Variants in SHE observed in about 807,000 individuals in gnomAD.
The protein encoded by SHE is Src homology 2 domain containing E.
SHE carries 11 observed loss-of-function variants against 49.8 expected under a neutral mutation model. The observed-to-expected ratio is 0.22, with a 90% CI of 0.14 to 0.37. The LOEUF (loss-of-function observed/expected upper bound fraction) is 0.37. Among genes scored for constraint, SHE ranks in the 10% least tolerant of loss-of-function variants. The probability of loss-of-function intolerance (pLI) is 1.00; values close to 1 mark genes in which losing one functional copy is unlikely to be tolerated. For missense variants in SHE, 624 were observed against 655.5 expected, an observed-to-expected ratio of 0.95 and a Z score of 0.52; for synonymous variants, 310 against 278.1, an observed-to-expected ratio of 1.11 and a Z score of -1.14.
At chr1:154,495,508 T>C (rs1436821751) in intron 2 of SHE, among the ~76,000 whole-genome samples, 1 of 152,122 alleles carries the variant, frequency 6.6e-6, no homozygotes, top group African/African-American at 2.4e-5. Context: ...CTGGGTCCCA[T>C]AGCGATTTGG....
chr1:154,486,208 C>CAGACAA, intron 4 of SHE, 146 bp from the exon 5 acceptor site: 1 of 1,160,802 alleles, frequency 8.6e-7, no homozygotes, highest in Non-Finnish European at 1.2e-6. Context: ...ACATTCAGAA[C>CAGACAA]AGACAAAATG....
Position 154,480,060 on chromosome 1 carries a change from T to A in SHE, c.*4089A>T. 1 of 985,268 alleles carries A rather than the reference T, an allele frequency of 1.0e-6. No individual in the cohort carries two copies. The highest frequency in any genetic ancestry group is 1.2e-6 in the Non-Finnish European group (1 of 829,914). The allele number at this position is 985,268 out of a possible 1,614,324, so 61.0% of individuals were successfully genotyped here. ...TTCACACAGGGTCAGCGGTGGAGGG[T>A]AAGTTGAACAGAAGGCCCACTGCAC... On this transcript the variant is annotated 3_prime_UTR_variant, in exon 6 of 6. Transcript: ENST00000304760.
chr1:154,474,431 T>G (rs548249151), intron 1 of SHE, among the ~76,000 whole-genome samples: 41 of 152,224 alleles, frequency 2.7e-4, no homozygotes, highest in Non-Finnish European at 5.7e-4. Context: ...ACTGCATGAA[T>G]GGTTTGGTTT....
intron 5 of SHE, chr1:154,485,296 CT>C (rs1342606813): frequency 6.6e-6 from 1 of 152,452 alleles, no homozygotes; most frequent in Non-Finnish European, 1.5e-5. Context: ...CTCCTCCAGC[CT>C]GATTGTTTCA....
intron 2 of SHE, among the ~76,000 whole-genome samples, chr1:154,495,055 A>C (rs144494606): frequency 6.6e-5 from 10 of 152,370 alleles, no homozygotes; most frequent in East Asian, 3.9e-4. Context: ...CCGTCTCAAA[A>C]AAACAAACAA....
rs932903352 is a variant in SHE at position 154,481,382 on chromosome 1, G to A, written c.*2767C>T. 4.1e-6 allele frequency: 4 copies of A among 985,258 alleles called. No homozygotes were observed. Among genetic ancestry groups the A allele is most frequent in the Admixed American group, 1.2e-4 (2 of 16,262 alleles). 61.0% of individuals were successfully genotyped at this position (985,258 alleles called of 1,614,324 possible). A position where few individuals can be genotyped will look rare whatever the true frequency, so the allele number is the denominator to read the frequency against. ...AGCAACTGGACAATATGTAAACTCTGCCTCTCCTCTACTTTTAATTCTATA... is the reference window on the plus strand; with the variant it reads ...AGCAACTGGACAATATGTAAACTCTACCTCTCCTCTACTTTTAATTCTATA... On this transcript the variant is annotated 3_prime_UTR_variant, in exon 6 of 6. Transcript: ENST00000304760.
downstream of SHE, among the ~76,000 whole-genome samples, chr1:154,478,482 C>T (rs1691939891): frequency 6.7e-6 from 1 of 149,418 alleles, no homozygotes; most frequent in African/African-American, 2.5e-5. Context: ...GCAATCTGGG[C>T]TCTACCACTT....
At chr1:154,472,242 CTG>C (rs1691764896) in intron 1 of SHE, among the ~76,000 whole-genome samples, 1 of 152,164 alleles carries the variant, frequency 6.6e-6, no homozygotes, top group South Asian at 2.1e-4. Context: ...ATGGTAGAGT[CTG>C]TTACCAGAGA....
chr1:154,478,419 T>C (rs939959228), downstream of SHE, among the ~76,000 whole-genome samples: 2 of 43,274 alleles, frequency 4.6e-5, no homozygotes, highest in African/African-American at 1.5e-4. Context: ...AATGAAATCA[T>C]AAAAAGTGCA....
At chr1:154,486,499 G>T (rs200447499) in intron 4 of SHE, 28 bp downstream of exon 4, 7 of 1,611,902 alleles carry the variant, frequency 4.3e-6, no homozygotes, top group African/African-American at 2.7e-5. Flanking sequence ...GCTGTTGTCT[G>T]TTACAAGGAT....
chr1:154,471,175 T>A (rs1285760681), intron 1 of SHE, among the ~76,000 whole-genome samples: 1 of 152,010 alleles, frequency 6.6e-6, no homozygotes, highest in Non-Finnish European at 1.5e-5. Context: ...CACTACCCAA[T>A]CTCTAATGTC....
chr1:154,482,474 T>TC lies in SHE; in HGVS notation c.*1674_*1675insG. On this transcript the variant is annotated 3_prime_UTR_variant, in exon 6 of 6. Transcript: ENST00000304760. ...CTTACAGTCAAATGTAACTAGTAAC[T>TC]ACAAAGGTATACTTTCCTAAAAAAT... 1.0e-6 allele frequency: 1 copy of TC among 985,334 alleles called. No homozygotes were observed. Among genetic ancestry groups the TC allele is most frequent in the Non-Finnish European group, 1.2e-6 (1 of 829,852 alleles). The allele number at this position is 985,334 out of a possible 1,614,324, so 61.0% of individuals were successfully genotyped here. A position where few individuals can be genotyped will look rare whatever the true frequency, so the allele number is the denominator to read the frequency against.
rs1268136175 is a variant in SHE at position 154,480,021 on chromosome 1, A to C, written c.*4128T>G. On this transcript the variant is annotated 3_prime_UTR_variant, in exon 6 of 6. Transcript: ENST00000304760. ...TCTCTTTTCCCATTAGATGGCAGTA[A>C]CGCACCATCTCTCTTCACACAGGGT... The C allele has an allele frequency of 3.5e-5, 34 of 985,362 alleles. No homozygotes were observed. The highest frequency in any genetic ancestry group is 4.7e-5 in the South Asian group (1 of 21,296). The allele number at this position is 985,362 out of a possible 1,614,324, so 61.0% of individuals were successfully genotyped here. A position where few individuals can be genotyped will look rare whatever the true frequency, so the allele number is the denominator to read the frequency against.
chr1:154,472,200 A>G lies in SHE; in HGVS notation c.103-1838T>C, dbSNP rs1691763648. On this transcript the variant is annotated intron_variant, in intron 1 of 1. Transcript: ENST00000486773. The stretch of plus-strand genomic sequence containing the variant: ...TTTTTAAATTAGTGTGCTGCTCTAT[A>G]AGAGTTTTTAAATGATGGAGAGAGG... Among the ~76,000 whole-genome samples the G allele has an allele frequency of 2.6e-5, 4 of 152,298 alleles. No homozygotes were observed. In the South Asian group the frequency reaches 8.3e-4, roughly 32 times the overall value.
Position 154,501,738 on chromosome 1 carries a change from C to G in SHE, c.289G>C (p.Gly97Arg). The G allele has an allele frequency of 6.3e-7, 1 of 1,577,706 alleles. No homozygotes were observed. The highest frequency in any genetic ancestry group is 8.6e-7 in the Non-Finnish European group (1 of 1,166,728). The change falls in exon 1 of 6, where the codon GGC becomes CGC. Residue 97 changes from glycine (G) to arginine (R), a missense_variant. Coordinates refer to ENST00000304760, the MANE Select transcript of SHE (RefSeq NM_001010846.3). ...AELGSGRAGV[G>R]PKDSRLSRDS... is the part of the protein sequence containing the mutation. The stretch of plus-strand genomic sequence containing the variant: ...CGGGACAGCCGGCTGTCCTTGGGGC[C>G]GACGCCGGCCCTGCCGCTCCCCAGC...
chr1:154,476,214 C>T (rs746830968), downstream of SHE, among the ~76,000 whole-genome samples: 3 of 152,044 alleles, frequency 2.0e-5, no homozygotes, highest in Non-Finnish European at 2.9e-5. Flanking sequence ...GGTATGGTGG[C>T]GCACACCTGT....
intron 2 of SHE, among the ~76,000 whole-genome samples, chr1:154,492,140 T>A (rs1433915538): frequency 6.6e-6 from 1 of 152,130 alleles, no homozygotes; most frequent in Non-Finnish European, 1.5e-5. Context: ...AAAACTTAGG[T>A]ATAGGCTGAG....
chr1:154,486,687 G>A lies in SHE; in HGVS notation c.1025-4C>T. 1 of 1,613,826 alleles carries A rather than the reference G, an allele frequency of 6.2e-7. No individual in the cohort carries two copies. On this transcript the variant is annotated splice_polypyrimidine_tract_variant and splice_region_variant and intron_variant, in intron 3 of 5. Coordinates refer to ENST00000304760, the MANE Select transcript of SHE (RefSeq NM_001010846.3). ...CGCTCAGCTCCTTCAAACTGGACTG[G>A]AAGGAAGACTCCATTTAACATCACA...
At chr1:154,491,182 G>T (rs970808760) in intron 2 of SHE, among the ~76,000 whole-genome samples, 1 of 152,160 alleles carries the variant, frequency 6.6e-6, no homozygotes, top group Non-Finnish European at 1.5e-5. Flanking sequence ...AGTCAAGGAG[G>T]AACTTTCTAT....
Sources: gnomAD v4.1 joint callset for allele counts (sites outside exome capture counted in the v4.1 genomes callset) on GRCh38, gnomAD v4.1.1 for gene constraint, MANE v1.5 for transcripts, NCBI Gene and HGNC (gene_info 2026-07-23, HGNC 2026-07-21) for gene names.